TRPC5: variants seen among roughly 807,000 people sequenced by gnomAD.
The protein encoded by TRPC5 is short transient receptor potential channel 5.
A neutral mutation model predicts 56.5 loss-of-function variants in TRPC5; 9 were observed. The observed-to-expected ratio is 0.16, with a 90% CI of 0.10 to 0.28. The LOEUF (loss-of-function observed/expected upper bound fraction) is 0.28. Among genes scored for constraint, TRPC5 ranks in the 10% least tolerant of loss-of-function variants. The probability of loss-of-function intolerance (pLI) is 1.00; values close to 1 mark genes in which losing one functional copy is unlikely to be tolerated. For synonymous variants in TRPC5, 282 were observed against 278.5 expected, an observed-to-expected ratio of 1.01 and a Z score of -0.13; for missense variants, 469 against 748.9, an observed-to-expected ratio of 0.63 and a Z score of 4.36.
At chrX:111,976,267 A>T (rs73266328) in intron 1 of TRPC5, among the ~76,000 whole-genome samples, 1 of 110,282 alleles carries the variant, frequency 9.1e-6, no homozygotes, top group Non-Finnish European at 1.9e-5. Context: ...TGTAAAAAAT[A>T]GAAAAATTAC....
chrX:111,895,709 G>T (rs927014038), intron 3 of TRPC5, among the ~76,000 whole-genome samples: 8 of 110,693 alleles, frequency 7.2e-5, no homozygotes, highest in East Asian at 5.7e-4. Context: ...TGGTTCCATT[G>T]ATTTATTTGT....
chrX:111,901,281 G>T (rs1483986828), intron 3 of TRPC5, among the ~76,000 whole-genome samples: 3 of 111,105 alleles, frequency 2.7e-5, no homozygotes, highest in Admixed American at 1.9e-4. Flanking sequence ...CCTCAAAAGA[G>T]ATGCTCAAGA....
chrX:111,981,751 C>A (rs1208280230), intron 1 of TRPC5, among the ~76,000 whole-genome samples: 3 of 111,489 alleles, frequency 2.7e-5, no homozygotes, highest in Non-Finnish European at 5.6e-5. Flanking sequence ...AACTTAATTA[C>A]CACGATGTAA....
chrX:111,975,338 A>G (rs181052531), intron 1 of TRPC5, among the ~76,000 whole-genome samples: 10 of 108,013 alleles, frequency 9.3e-5, no homozygotes, highest in Middle Eastern at 4.8e-3. Context: ...AAAAAAAAAA[A>G]CAGCAGCAAC....
chrX:111,968,160 C>T (rs192294149), intron 1 of TRPC5, among the ~76,000 whole-genome samples: 3,367 of 110,896 alleles, frequency 0.03, 128 homozygotes, highest in African/African-American at 0.1. Flanking sequence ...AAAAAGTGGG[C>T]GAAGGATATG....
At position 111,977,450 on chromosome X, in the gene TRPC5, A is replaced by G. The variant is rs933154300; in HGVS notation, c.-21-25009T>C. On this transcript the variant is annotated intron_variant, in intron 1 of 10. Transcript: ENST00000262839. ...ATGCAAAAATTGAAATTAAATTCATATCTTACACTGTACACAAAACTTAAA... is the reference window on the plus strand; with the variant it reads ...ATGCAAAAATTGAAATTAAATTCATGTCTTACACTGTACACAAAACTTAAA... Among the ~76,000 whole-genome samples the G allele has an allele frequency of 2.7e-5, 3 of 112,178 alleles. No homozygotes were observed. In the Admixed American group the frequency reaches 2.8e-4, roughly 11 times the overall value.
intron 1 of TRPC5, among the ~76,000 whole-genome samples, chrX:112,030,781 T>C (rs1929567399): frequency 8.9e-6 from 1 of 112,090 alleles, no homozygotes; most frequent in Non-Finnish European, 1.9e-5. Context: ...CAATCAATTC[T>C]AATTACTATT....
chrX:111,964,943 C>A (rs1406049286), intron 1 of TRPC5, among the ~76,000 whole-genome samples: 1 of 111,814 alleles, frequency 8.9e-6, no homozygotes, highest in Non-Finnish European at 1.9e-5. Context: ...CCGCTAACAT[C>A]AAAATGACAG....
chrX:111,912,854 G>A, intron 2 of TRPC5, 42 bp from the exon 3 acceptor site: 2 of 1,152,711 alleles, frequency 1.7e-6, no homozygotes, highest in Non-Finnish European at 2.3e-6. Flanking sequence ...CAGGATTAAA[G>A]TTTGGAGAGA....
intron 7 of TRPC5, among the ~76,000 whole-genome samples, chrX:111,783,963 A>G (rs1420938697): frequency 1.8e-5 from 2 of 111,710 alleles, no homozygotes; most frequent in East Asian, 5.6e-4. Flanking sequence ...GAAGAGGTTT[A>G]TGTTGAGGTT....
intron 2 of TRPC5, among the ~76,000 whole-genome samples, chrX:111,935,228 G>T (rs142537125): frequency 0.1 from 11,106 of 111,555 alleles, 540 homozygotes; most frequent in African/African-American, 0.19. Flanking sequence ...ATGATGTTGA[G>T]CACCTTTTCA....
intron 1 of TRPC5, among the ~76,000 whole-genome samples, chrX:112,065,960 C>A (rs1319205002): frequency 9.1e-6 from 1 of 109,426 alleles, no homozygotes. Flanking sequence ...GCCTAGCTCT[C>A]CAAAGGTACC....
chrX:111,787,505 G>T (rs1326131570), intron 7 of TRPC5, among the ~76,000 whole-genome samples: 6 of 107,336 alleles, frequency 5.6e-5, no homozygotes, highest in Non-Finnish European at 1.2e-4. Context: ...AACTAGAGAA[G>T]CAAGAGCAAA....
intron 1 of TRPC5, among the ~76,000 whole-genome samples, chrX:111,992,440 A>G (rs895349221): frequency 3.6e-5 from 4 of 111,361 alleles, no homozygotes; most frequent in African/African-American, 1.3e-4. Context: ...CATATGGCAT[A>G]ATTTCTACCT....
intron 1 of TRPC5, among the ~76,000 whole-genome samples, chrX:112,009,706 A>C (rs1182929763): frequency 2.7e-5 from 3 of 111,401 alleles, no homozygotes; most frequent in African/African-American, 9.8e-5. Context: ...AAGTGGCTGC[A>C]TCTGTGGGTA....
intron 7 of TRPC5, among the ~76,000 whole-genome samples, chrX:111,789,702 C>T (rs1211312513): frequency 1.8e-5 from 2 of 112,228 alleles, no homozygotes; most frequent in African/African-American, 3.2e-5. Flanking sequence ...CTACAAAGAA[C>T]TCAAGCAAAT....
chrX:112,009,676 C>T (rs1156406949), intron 1 of TRPC5, among the ~76,000 whole-genome samples: 1 of 111,764 alleles, frequency 8.9e-6, no homozygotes, highest in Non-Finnish European at 1.9e-5. Flanking sequence ...TTTAGTGCCT[C>T]TCAATTCAAG....
At position 111,769,561 on chromosome X, in the gene TRPC5, A is replaced by G. The variant is rs1032355643; in HGVS notation, c.*6752T>C. 3.6e-5 allele frequency among the ~76,000 whole-genome samples: 4 copies of G among 111,256 alleles called. No individual in the cohort carries two copies. Among genetic ancestry groups the G allele is most frequent in the African/African-American group, 1.3e-4 (4 of 30,576 alleles). The stretch of plus-strand genomic sequence containing the variant: ...GGCTGGTGCTTCCAGGGGTATATAC[A>G]ACTCTGAAAACTCACCAATTTGTAC... On this transcript the variant is annotated 3_prime_UTR_variant, in exon 11 of 11. Transcript: ENST00000262839.
intron 1 of TRPC5, among the ~76,000 whole-genome samples, chrX:112,005,794 C>T (rs759071432): frequency 8.9e-6 from 1 of 111,756 alleles, no homozygotes; most frequent in Non-Finnish European, 1.9e-5. Flanking sequence ...TGAATTACTT[C>T]AGCAGCTCAG....
Sources: gnomAD v4.1 joint callset for allele counts (sites outside exome capture counted in the v4.1 genomes callset) on GRCh38, gnomAD v4.1.1 for gene constraint, MANE v1.5 for transcripts, NCBI Gene and HGNC (gene_info 2026-07-23, HGNC 2026-07-21) for gene names.